Variants in ERI1 observed in about 807,000 individuals in gnomAD.
ERI1 encodes the protein 3'-5' exoribonuclease 1.
A neutral mutation model predicts 39.7 loss-of-function variants in ERI1; 39 were observed. That is an observed-to-expected ratio of 0.98 (90% CI 0.76 to 1.28). ERI1 has a LOEUF of 1.28. Among genes scored for constraint, ERI1 ranks in the 50% most tolerant of loss-of-function variants. The pLI is 0.00. For synonymous variants in ERI1, 204 were observed against 149.6 expected (o/e 1.36, Z -2.65); for missense variants, 581 against 416.9 (o/e 1.39, Z -3.43).
intron 2 of ERI1, 99 bp from the exon 3 acceptor site, chr8:9,011,443 C>T (rs1816656156): frequency 3.1e-6 from 2 of 646,036 alleles, no homozygotes; most frequent in South Asian, 3.9e-5. Flanking sequence ...CTAAATTTCG[C>T]TGTGATTGTC....
chr8:9,053,580 A>G (rs1294663105), intron 3 of ERI1, among the ~76,000 whole-genome samples: 3 of 152,182 alleles, frequency 2.0e-5, no homozygotes, highest in Admixed American at 1.3e-4. Context: ...GTTGAGTTCT[A>G]TGAGTCACCG....
chr8:9,009,180 A>G, intron 2 of ERI1: 1 of 435,206 alleles, frequency 2.3e-6, no homozygotes, highest in Non-Finnish European at 4.6e-6. Flanking sequence ...ATTGAATTCT[A>G]AGTACTGCAC....
chr8:9,047,793 G>A (rs1451084695), intron 3 of ERI1, among the ~76,000 whole-genome samples: 2 of 152,128 alleles, frequency 1.3e-5, no homozygotes, highest in South Asian at 2.1e-4. Flanking sequence ...TATTAATTGA[G>A]CTTCCTATCA....
At chr8:9,054,794 G>A (rs1160445253) in intron 3 of ERI1, among the ~76,000 whole-genome samples, 9 of 152,172 alleles carry the variant, frequency 5.9e-5, no homozygotes, top group South Asian at 2.1e-4. Context: ...GCGCAGTGGC[G>A]GCAGGCACCT....
chr8:9,062,869 G>A (rs1798751514), intron 3 of ERI1: 1 of 152,034 alleles, frequency 6.6e-6, no homozygotes, highest in Non-Finnish European at 1.5e-5. Context: ...GGCATTCCTT[G>A]GCCCAGTGGC....
chr8:9,045,002 C>G (rs550838114), intron 3 of ERI1, among the ~76,000 whole-genome samples: 103 of 152,194 alleles, frequency 6.8e-4, no homozygotes, highest in African/African-American at 2.3e-3. Context: ...CTTTGGGAGG[C>G]CGAGTCAGGC....
At chr8:9,028,670 C>G (rs895860247) in intron 6 of ERI1, among the ~76,000 whole-genome samples, 1 of 152,112 alleles carries the variant, frequency 6.6e-6, no homozygotes. Context: ...GACGCCCAGG[C>G]TGGAGTGCAG....
chr8:9,007,935 CTTTTTTTTTTTTTTTTTTT>C lies in ERI1; in HGVS notation c.109-24_109-6del. The C allele has an allele frequency of 1.1e-5, 11 of 959,462 alleles. No homozygotes were observed. The East Asian group carries it at 2.8e-4, about 24-fold the overall frequency. 59.4% of individuals were successfully genotyped at this position (959,462 alleles called of 1,614,324 possible). Reference sequence around the variant, plus strand: ...GTTTGTACTAATTATAAACTACATCCTTTTTTTTTTTTTTTTTTTTTTTTTTTTTGGTAGGAAACTCAAC... The same window carrying C: ...GTTTGTACTAATTATAAACTACATCCTTTTTTTTTTGGTAGGAAACTCAAC... On this transcript the variant is annotated splice_polypyrimidine_tract_variant and intron_variant, in intron 1 of 6. Coordinates refer to ENST00000250263, the MANE Select transcript of ERI1 (RefSeq NM_153332.4).
At chr8:9,037,033 C>CA (rs1797870086), downstream of ERI1, among the ~76,000 whole-genome samples, 1 of 152,198 alleles carries the variant, frequency 6.6e-6, no homozygotes, top group African/African-American at 2.4e-5. Context: ...CATTGCTACA[C>CA]AGACTATTGC....
intron 3 of ERI1, among the ~76,000 whole-genome samples, chr8:9,063,425 G>T (rs1798767994): frequency 6.6e-6 from 1 of 152,168 alleles, no homozygotes; most frequent in African/African-American, 2.4e-5. Flanking sequence ...GAATGAAACT[G>T]TAAGCCAGAC....
intron 3 of ERI1, among the ~76,000 whole-genome samples, chr8:9,014,349 C>G (rs1387533054): frequency 2.0e-5 from 3 of 152,154 alleles, no homozygotes; most frequent in African/African-American, 4.8e-5. Flanking sequence ...AATCTTACCT[C>G]TAAATAAAGC....
At chr8:9,076,792 G>C (rs1237873012) in intron 3 of ERI1, among the ~76,000 whole-genome samples, 1 of 152,186 alleles carries the variant, frequency 6.6e-6, no homozygotes, top group Non-Finnish European at 1.5e-5. Context: ...GAATCTTTAG[G>C]GGGAAGCGGG....
At chr8:9,010,291 C>T (rs1405761421) in intron 2 of ERI1, among the ~76,000 whole-genome samples, 1 of 152,162 alleles carries the variant, frequency 6.6e-6, no homozygotes, top group African/African-American at 2.4e-5. Flanking sequence ...CCCCCTATCA[C>T]ACCTCCCACC....
intron 3 of ERI1, among the ~76,000 whole-genome samples, chr8:9,087,436 G>C (rs6984687): frequency 9.2e-6 from 1 of 108,814 alleles, no homozygotes. Flanking sequence ...TTTTTTTTTT[G>C]ATTTTTAGTA....
downstream of ERI1, among the ~76,000 whole-genome samples, chr8:9,036,852 C>T (rs79315581): frequency 5.2e-3 from 787 of 152,202 alleles, 5 homozygotes; most frequent in Non-Finnish European, 7.9e-3. Flanking sequence ...CGACTCTGCA[C>T]CTTTGAACAT....
In ERI1 at chr8:9,030,308, A is replaced by G; in HGVS notation, c.*274A>G. On this transcript the variant is annotated 3_prime_UTR_variant, in exon 7 of 7. Coordinates refer to ENST00000250263, the MANE Select transcript of ERI1 (RefSeq NM_153332.4). ...TTTTATAATTTAAGGTGTTCAAGAT[A>G]TATTCTTTTTGGTTTTAAAATGCAA... is the stretch of plus-strand genomic sequence containing the variant. 2 of 376,524 alleles carry G rather than the reference A, an allele frequency of 5.3e-6. No homozygotes were observed. Among genetic ancestry groups the G allele is most frequent in the Non-Finnish European group, 9.7e-6 (2 of 206,612 alleles). The allele number at this position is 376,524 out of a possible 1,614,324, so 23.3% of individuals were successfully genotyped here. A position where few individuals can be genotyped will look rare whatever the true frequency, so the allele number is the denominator to read the frequency against.
At chr8:9,090,103 C>G (rs1799658486) in intron 3 of ERI1, among the ~76,000 whole-genome samples, 2 of 152,162 alleles carry the variant, frequency 1.3e-5, no homozygotes, top group Admixed American at 1.3e-4. Flanking sequence ...GAGACACAGA[C>G]AGGCACCAAG....
At chr8:9,025,399 A>G (rs962786209) in intron 6 of ERI1, among the ~76,000 whole-genome samples, 2 of 152,226 alleles carry the variant, frequency 1.3e-5, no homozygotes, top group African/African-American at 2.4e-5. Flanking sequence ...AGCTTCTTAT[A>G]GGGACTTGTT....
chr8:9,064,165 A>G (rs2921373), intron 3 of ERI1, among the ~76,000 whole-genome samples: 122,758 of 149,980 alleles, frequency 0.82, 50,880 homozygotes, highest in South Asian at 0.89. Flanking sequence ...AGATCGGGGC[A>G]TGGAAATAAG....
Sources: gnomAD v4.1 joint callset for allele counts (sites outside exome capture counted in the v4.1 genomes callset) on GRCh38, gnomAD v4.1.1 for gene constraint, MANE v1.5 for transcripts, NCBI Gene and HGNC (gene_info 2026-07-23, HGNC 2026-07-21) for gene names.